The following CACUL1 variants were observed in gnomAD, a reference collection of about 807,000 sequenced individuals.
The protein encoded by CACUL1 is CDK2 associated cullin domain 1.
CACUL1 carries 13 observed loss-of-function variants against 45.2 expected under a neutral mutation model. The observed-to-expected ratio is 0.29, with a 90% confidence interval of 0.19 to 0.46. CACUL1 has a LOEUF of 0.46. Ranked by LOEUF, CACUL1 falls within the 20% of genes least tolerant of loss-of-function variation. The pLI is 1.00. For synonymous variants in CACUL1, 197 were observed against 174.2 expected (o/e 1.13, Z -1.03); for missense variants, 421 against 471.4 (o/e 0.89, Z 0.99).
intron 3 of CACUL1, among the ~76,000 whole-genome samples, chr10:118,716,111 A>G (rs560251700): frequency 4.5e-4 from 68 of 152,104 alleles, no homozygotes; most frequent in African/African-American, 1.6e-3. Flanking sequence ...ACGCGCCTGT[A>G]GTCCCAGCTA....
rs1424744111 is a variant in CACUL1, at chr10:118,754,439, G to A, written c.324C>T (p.Thr108=). The A allele has an allele frequency of 1.3e-6, 2 of 1,594,042 alleles. No homozygotes were observed. Among genetic ancestry groups the A allele is most frequent in the African/African-American group, 1.3e-5 (1 of 74,406 alleles). Residue 108 remains threonine (T), a synonymous_variant, in exon 1 of 9, where the codon ACC becomes ACT. Transcript: ENST00000369151. The stretch of plus-strand genomic sequence containing the variant: ...TGTTGATGTTGATGGTGGAGCTGGC[G>A]GTGGGGGCGGGGGCCGCCTTGGCCA... The part of the protein sequence containing the change: ...AAVAKAAPAP[T]ASSTININTS...
intron 3 of CACUL1, among the ~76,000 whole-genome samples, chr10:118,718,722 C>T (rs946110819): frequency 1.3e-5 from 2 of 152,222 alleles, no homozygotes; most frequent in African/African-American, 2.4e-5. Flanking sequence ...TATAGGCGCC[C>T]GCCACCACGC....
intron 1 of CACUL1, among the ~76,000 whole-genome samples, chr10:118,753,103 T>G (rs1029621252): frequency 3.3e-5 from 5 of 152,246 alleles, no homozygotes; most frequent in South Asian, 2.1e-4. Context: ...ACTAAGGCAA[T>G]CTTCCTTCGT....
rs35127428 is a variant in CACUL1, at chr10:118,750,322, CA to C, written c.367+4073del. Among the ~76,000 whole-genome samples the C allele has an allele frequency of 9.2e-4, 125 of 135,168 alleles. 1 individual carries two copies. Among genetic ancestry groups the C allele is most frequent in the South Asian group, 2.4e-3 (10 of 4,232 alleles). 88.7% of individuals were successfully genotyped at this position (135,168 alleles called of 152,430 possible). A position where few individuals can be genotyped will look rare whatever the true frequency, so the allele number is the denominator to read the frequency against. On this transcript the variant is annotated intron_variant, in intron 1 of 8. Transcript: ENST00000369151. ...GCCTGGCGACAGAGCGAGACTGTCT[CA>C]AAAAAAAAAAAGGAATGGTGATAAT...
intron 1 of CACUL1, among the ~76,000 whole-genome samples, chr10:118,734,319 C>T (rs552529553): frequency 6.6e-6 from 1 of 152,192 alleles, no homozygotes; most frequent in Non-Finnish European, 1.5e-5. Context: ...GTATATTATA[C>T]GTGGCTAAAG....
At chr10:118,700,138 T>C (rs1845364529) in intron 5 of CACUL1, among the ~76,000 whole-genome samples, 1 of 152,014 alleles carries the variant, frequency 6.6e-6, no homozygotes, top group Middle Eastern at 3.4e-3. Flanking sequence ...AAAAAGTTTA[T>C]GGTCAAGCTT....
At chr10:118,709,083 G>A (rs2119595059) in intron 3 of CACUL1, among the ~76,000 whole-genome samples, 1 of 152,246 alleles carries the variant, frequency 6.6e-6, no homozygotes, top group African/African-American at 2.4e-5. Flanking sequence ...TTTTGTATAT[G>A]TATCATTTAT....
At chr10:118,725,862 G>A (rs1166583971) in intron 3 of CACUL1, among the ~76,000 whole-genome samples, 1 of 152,142 alleles carries the variant, frequency 6.6e-6, no homozygotes, top group African/African-American at 2.4e-5. Flanking sequence ...TGGAGAATAT[G>A]GGAACATTAT....
At chr10:118,700,716 C>CA (rs59032746) in intron 5 of CACUL1, among the ~76,000 whole-genome samples, 2,725 of 132,726 alleles carry the variant, frequency 0.021, 145 homozygotes, top group African/African-American at 0.071. Flanking sequence ...GACTCCGTCT[C>CA]AAAAAAAAAA....
intron 4 of CACUL1, among the ~76,000 whole-genome samples, chr10:118,707,085 C>T (rs1845439209): frequency 6.6e-6 from 1 of 152,220 alleles, no homozygotes; most frequent in Non-Finnish European, 1.5e-5. Flanking sequence ...CCAAATAAAA[C>T]AGATCATCAG....
chr10:118,732,956 C>A (rs1845710364), intron 1 of CACUL1, among the ~76,000 whole-genome samples: 1 of 152,116 alleles, frequency 6.6e-6, no homozygotes, highest in South Asian at 2.1e-4. Flanking sequence ...CCTCTCTACA[C>A]CGAAAGTTGA....
chr10:118,703,259 T>C (rs1275076510), intron 4 of CACUL1, among the ~76,000 whole-genome samples: 1 of 152,188 alleles, frequency 6.6e-6, no homozygotes, highest in Non-Finnish European at 1.5e-5. Context: ...GGAAAACTTC[T>C]GTATATTCTT....
intron 1 of CACUL1, among the ~76,000 whole-genome samples, chr10:118,739,312 C>T (rs1476313664): frequency 6.6e-6 from 1 of 151,808 alleles, no homozygotes; most frequent in African/African-American, 2.4e-5. Flanking sequence ...AACAGAAATT[C>T]AACATTTGAC....
chr10:118,732,006 T>C (rs1440524553), intron 1 of CACUL1, among the ~76,000 whole-genome samples: 2 of 152,056 alleles, frequency 1.3e-5, no homozygotes, highest in Admixed American at 6.6e-5. Flanking sequence ...TGCGCAAACA[T>C]AACAGTAGGA....
At chr10:118,745,475 C>T (rs1421398745) in intron 1 of CACUL1, among the ~76,000 whole-genome samples, 2 of 151,874 alleles carry the variant, frequency 1.3e-5, no homozygotes, top group African/African-American at 4.8e-5. Context: ...GAAAGGGAAT[C>T]GCTTGAACCT....
chr10:118,732,535 G>A (rs1845707265), intron 1 of CACUL1, among the ~76,000 whole-genome samples: 1 of 152,084 alleles, frequency 6.6e-6, no homozygotes. Flanking sequence ...AAGAAATTGT[G>A]GGAGAATTAA....
intron 3 of CACUL1, among the ~76,000 whole-genome samples, chr10:118,726,009 T>G (rs1348848095): frequency 6.6e-6 from 1 of 152,226 alleles, no homozygotes; most frequent in Non-Finnish European, 1.5e-5. Context: ...TAGGTCCAAA[T>G]CATTGATTTA....
chr10:118,705,632 A>C (rs1845426028), intron 4 of CACUL1, among the ~76,000 whole-genome samples: 1 of 152,204 alleles, frequency 6.6e-6, no homozygotes, highest in Non-Finnish European at 1.5e-5. Flanking sequence ...GACCTCTGTA[A>C]CTTTCAGCAA....
Position 118,679,193 on chromosome 10 carries a change from C to T in CACUL1, c.*6935G>A, listed in dbSNP as rs1030950705. The T allele has an allele frequency of 2.0e-5, 3 of 151,994 alleles. No individual in the cohort carries two copies. The highest frequency in any genetic ancestry group is 4.4e-5 in the Non-Finnish European group (3 of 68,070). 9.4% of individuals were successfully genotyped at this position (151,994 alleles called of 1,614,324 possible). A position where few individuals can be genotyped will look rare whatever the true frequency, so the allele number is the denominator to read the frequency against. ...TAACTAGGACTAAAAGCAGGTACCA[C>T]CACGCCCAACTTTTTTTGTGTTTTT... is the stretch of plus-strand genomic sequence containing the variant. On this transcript the variant is annotated 3_prime_UTR_variant, in exon 9 of 9. Transcript: ENST00000369151.
Sources: allele counts gnomAD v4.1 joint callset (sites outside exome capture counted in the v4.1 genomes callset), GRCh38; gene constraint gnomAD v4.1.1; transcripts MANE v1.5; gene names NCBI Gene and HGNC (gene_info 2026-07-23, HGNC 2026-07-21).